Variants in FHOD3 observed in about 807,000 individuals in gnomAD.
The protein encoded by FHOD3 is formin homology 2 domain containing 3, also known as FH1/FH2 domain-containing protein 3.
Under a neutral mutation model 173.0 loss-of-function variants are expected in FHOD3, and 90 were observed. The observed-to-expected ratio is 0.52, with a 90% CI of 0.44 to 0.62. FHOD3 has a LOEUF of 0.62. Among genes scored for constraint, FHOD3 ranks in the 20% least tolerant of loss-of-function variants. FHOD3 has a pLI of 0.00. For synonymous variants in FHOD3, 828 were observed against 823.0 expected (o/e 1.01, Z -0.10); for missense variants, 1,945 against 2,034.7 (o/e 0.96, Z 0.85).
At chr18:36,669,267 C>T (rs1267142420) in intron 14 of FHOD3, among the ~76,000 whole-genome samples, 6 of 151,498 alleles carry the variant, frequency 4.0e-5, no homozygotes, top group Non-Finnish European at 7.4e-5. Context: ...ATTAATATAG[C>T]CTCAGCTTTA....
At chr18:36,394,251 G>A (rs767184337) in intron 3 of FHOD3, among the ~76,000 whole-genome samples, 63 of 152,268 alleles carry the variant, frequency 4.1e-4, no homozygotes, top group Non-Finnish European at 6.9e-4. Context: ...TAAATATTGG[G>A]CTTCCCAGAT....
chr18:36,416,350 C>T (rs2049647805), intron 3 of FHOD3, among the ~76,000 whole-genome samples: 1 of 152,142 alleles, frequency 6.6e-6, no homozygotes, highest in South Asian at 2.1e-4. Context: ...ATTTCTTAAC[C>T]ATCTATGATT....
At chr18:36,741,844 A>T (rs773229837) in intron 21 of FHOD3, among the ~76,000 whole-genome samples, 1 of 152,020 alleles carries the variant, frequency 6.6e-6, no homozygotes, top group Non-Finnish European at 1.5e-5. Flanking sequence ...AAGGTCCTGT[A>T]CTGAGGGCCA....
At chr18:36,406,459 G>T (rs9945543) in intron 3 of FHOD3, among the ~76,000 whole-genome samples, 54,131 of 151,944 alleles carry the variant, frequency 0.36, 10,462 homozygotes, top group East Asian at 0.68. Context: ...GGCGCATTTG[G>T]GTCCGGACCT....
intron 3 of FHOD3, among the ~76,000 whole-genome samples, chr18:36,496,851 A>G (rs138871588): frequency 6.6e-6 from 1 of 152,338 alleles, no homozygotes; most frequent in Non-Finnish European, 1.5e-5. Flanking sequence ...ATGAAGGATA[A>G]AAAAAGTTAC....
intron 1 of FHOD3, among the ~76,000 whole-genome samples, chr18:36,336,146 T>C (rs1479134796): frequency 6.6e-6 from 1 of 152,114 alleles, no homozygotes; most frequent in Non-Finnish European, 1.5e-5. Context: ...TTTAGGCAAA[T>C]TGTAAAATAA....
intron 3 of FHOD3, among the ~76,000 whole-genome samples, chr18:36,394,980 A>G (rs1037079737): frequency 2.6e-5 from 4 of 152,180 alleles, no homozygotes; most frequent in African/African-American, 7.2e-5. Flanking sequence ...AGTCTCTTCT[A>G]TATTACACCC....
intron 3 of FHOD3, among the ~76,000 whole-genome samples, chr18:36,472,295 C>T (rs1413123957): frequency 6.6e-6 from 1 of 152,078 alleles, no homozygotes; most frequent in Non-Finnish European, 1.5e-5. Flanking sequence ...CACAATAGTC[C>T]CTTGTAGAAT....
intron 14 of FHOD3, among the ~76,000 whole-genome samples, chr18:36,680,744 A>G (rs1250996476): frequency 6.6e-6 from 1 of 152,232 alleles, no homozygotes; most frequent in East Asian, 1.9e-4. Context: ...TTGACATAGA[A>G]TGTCATAGAA....
chr18:36,661,484 A>C (rs1007535328), intron 14 of FHOD3, among the ~76,000 whole-genome samples: 7 of 152,206 alleles, frequency 4.6e-5, no homozygotes, highest in Non-Finnish European at 2.9e-5. Flanking sequence ...TTCTGTGATC[A>C]TACCCCTGAC....
intron 19 of FHOD3, among the ~76,000 whole-genome samples, chr18:36,720,741 C>CCTCCTT (rs1322581855): frequency 6.6e-5 from 10 of 150,452 alleles, no homozygotes; most frequent in African/African-American, 2.4e-4. Context: ...TTCTTCTCCT[C>CCTCCTT]CTCCTTCTTC....
At chr18:36,650,086 T>C (rs1471516632) in intron 11 of FHOD3, among the ~76,000 whole-genome samples, 1 of 152,222 alleles carries the variant, frequency 6.6e-6, no homozygotes, top group African/African-American at 2.4e-5. Context: ...CCCCAAATCA[T>C]GTCTGTATAA....
chr18:36,417,135 G>A (rs1472692090), intron 3 of FHOD3, among the ~76,000 whole-genome samples: 1 of 152,138 alleles, frequency 6.6e-6, no homozygotes, highest in Non-Finnish European at 1.5e-5. Context: ...TTATGTCATA[G>A]GGATTTGTTG....
At chr18:36,430,926 TAAAAA>T (rs200686168) in intron 3 of FHOD3, among the ~76,000 whole-genome samples, 1 of 151,404 alleles carries the variant, frequency 6.6e-6, no homozygotes, top group Non-Finnish European at 1.5e-5. Context: ...ATGTTTTCAT[TAAAAA>T]AAAATCAGTG....
intron 2 of FHOD3, among the ~76,000 whole-genome samples, chr18:36,366,731 A>G (rs1447902777): frequency 6.6e-6 from 1 of 152,190 alleles, no homozygotes; most frequent in African/African-American, 2.4e-5. Context: ...TGACTGGTTC[A>G]AATCCTCCTC....
intron 5 of FHOD3, among the ~76,000 whole-genome samples, chr18:36,518,829 C>T (rs921169834): frequency 6.6e-6 from 1 of 152,124 alleles, no homozygotes; most frequent in Admixed American, 6.5e-5. Context: ...GTTGAAACCT[C>T]TGCTTTAGGT....
chr18:36,706,455 A>G (rs538173645), intron 17 of FHOD3, among the ~76,000 whole-genome samples: 49 of 152,342 alleles, frequency 3.2e-4, no homozygotes, highest in African/African-American at 1.2e-3. Context: ...CCTGATTCCA[A>G]GAAGTTAGGC....
intron 15 of FHOD3, among the ~76,000 whole-genome samples, chr18:36,686,638 TAA>T (rs10599463): frequency 0.017 from 2,542 of 147,578 alleles, 73 homozygotes; most frequent in African/African-American, 0.052. Context: ...ATCCTGGAAA[TAA>T]AAAAAAAAAA....
At chr18:36,519,697 C>T (rs1236554372) in intron 5 of FHOD3, among the ~76,000 whole-genome samples, 2 of 152,172 alleles carry the variant, frequency 1.3e-5, no homozygotes, top group African/African-American at 4.8e-5. Context: ...GTCCTTTGTA[C>T]ACCCTCTGTT....
Sources: gnomAD v4.1 joint callset for allele counts (sites outside exome capture counted in the v4.1 genomes callset) on GRCh38, gnomAD v4.1.1 for gene constraint, MANE v1.5 for transcripts, NCBI Gene and HGNC (gene_info 2026-07-23, HGNC 2026-07-21) for gene names.